E2F5: variants seen among roughly 807,000 people sequenced by gnomAD.
The protein encoded by E2F5 is transcription factor E2F5.
E2F5 carries 23 observed loss-of-function variants against 39.1 expected under a neutral mutation model. The ratio of observed to expected loss-of-function variants is 0.59; its 90% confidence interval spans 0.42 to 0.83. E2F5 has a LOEUF of 0.83. Ranked by LOEUF, E2F5 falls within the 40% of genes least tolerant of loss-of-function variation. E2F5 has a pLI of 0.00. For synonymous variants in E2F5, 145 were observed against 157.8 expected (o/e 0.92, Z 0.61); for missense variants, 365 against 406.7 (o/e 0.90, Z 0.88).
intron 6 of E2F5, among the ~76,000 whole-genome samples, chr8:85,210,524 T>C (rs1006021198): frequency 2.0e-5 from 3 of 151,770 alleles, no homozygotes; most frequent in African/African-American, 7.3e-5. Flanking sequence ...TACTAAAAAA[T>C]ACAAAAATTA....
intron 1 of E2F5, among the ~76,000 whole-genome samples, chr8:85,181,269 C>G (rs1325636266): frequency 6.6e-6 from 1 of 152,100 alleles, no homozygotes; most frequent in Non-Finnish European, 1.5e-5. Flanking sequence ...CACATAGATG[C>G]TATTTCTTTT....
intron 1 of E2F5, 122 bp downstream of exon 1, chr8:85,177,776 G>C (rs1812117565): frequency 8.7e-7 from 1 of 1,144,866 alleles, no homozygotes; most frequent in African/African-American, 1.6e-5. Flanking sequence ...ACCCGGGACC[G>C]GGCAATCCGA....
chr8:85,198,843 G>A (rs1339086930), intron 1 of E2F5, among the ~76,000 whole-genome samples: 1 of 152,130 alleles, frequency 6.6e-6, no homozygotes, highest in Admixed American at 6.6e-5. Flanking sequence ...TCTCCCCTAA[G>A]CACACACTCT....
At chr8:85,199,545 T>C (rs1812647800) in intron 1 of E2F5, among the ~76,000 whole-genome samples, 1 of 21,288 alleles carries the variant, frequency 4.7e-5, no homozygotes, top group South Asian at 1.2e-3. Flanking sequence ...GTGGTGATAG[T>C]GGTGGTGGTG....
intron 1 of E2F5, among the ~76,000 whole-genome samples, chr8:85,189,716 A>G (rs1395107141): frequency 6.6e-6 from 1 of 152,170 alleles, no homozygotes; most frequent in Non-Finnish European, 1.5e-5. Flanking sequence ...CATAATTTTG[A>G]TCTGTCACAT....
In E2F5 at chr8:85,177,188, T is replaced by C. The variant is rs1812100222; in HGVS notation, c.-233T>C. ...GTTTCCACCCCTCCCCCCTCGGTCGTGGGCCTCATTCACGCTTCCCCGGGC... is the reference window on the plus strand; with the variant it reads ...GTTTCCACCCCTCCCCCCTCGGTCGCGGGCCTCATTCACGCTTCCCCGGGC... On this transcript the variant is annotated 5_prime_UTR_variant, in exon 1 of 8. Coordinates refer to ENST00000416274, the MANE Select transcript of E2F5 (RefSeq NM_001951.4). The C allele has an allele frequency of 5.8e-6, 1 of 172,352 alleles. No individual in the cohort carries two copies. 10.7% of individuals were successfully genotyped at this position (172,352 alleles called of 1,614,324 possible).
intron 1 of E2F5, among the ~76,000 whole-genome samples, chr8:85,189,283 C>T (rs1468195849): frequency 6.6e-6 from 1 of 152,180 alleles, no homozygotes; most frequent in Non-Finnish European, 1.5e-5. Context: ...CAACCACTCA[C>T]AGAGAACCAC....
chr8:85,207,036 TC>T (rs1812814538), intron 4 of E2F5, among the ~76,000 whole-genome samples: 1 of 152,164 alleles, frequency 6.6e-6, no homozygotes, highest in Non-Finnish European at 1.5e-5. Flanking sequence ...AATAATAAAA[TC>T]ATTTAAGCTC....
intron 1 of E2F5, among the ~76,000 whole-genome samples, chr8:85,197,233 A>G (rs376853535): frequency 5.3e-5 from 8 of 152,356 alleles, no homozygotes; most frequent in East Asian, 1.9e-4. Flanking sequence ...GAAGAACCTG[A>G]AAGACAGGAT....
chr8:85,212,068 G>C (rs1420221022), intron 6 of E2F5, 89 bp from the exon 7 acceptor site: 4 of 1,010,286 alleles, frequency 4.0e-6, no homozygotes, highest in Non-Finnish European at 4.6e-6. Flanking sequence ...GTGCATGTCA[G>C]TCAAGCTGCT....
Position 85,177,643 on chromosome 8 carries a change from G to T in E2F5, c.223G>T (p.Asp75Tyr). The change falls in exon 1 of 8, where the codon GAT (aspartate) becomes TAT (tyrosine). Residue 75 changes from aspartate to tyrosine, a missense_variant. Coordinates refer to ENST00000416274, the MANE Select transcript of E2F5 (RefSeq NM_001951.4). ...LLQEAKDGVLDLKAAADTLAV... is the reference protein window; with the variant it reads ...LLQEAKDGVLYLKAAADTLAV... ...GCAGGAGGCCAAGGACGGCGTTCTG[G>T]ATCTCAAAGCGGTGAGCTCCGGAGG... 1 of 1,293,108 alleles carries T rather than the reference G, an allele frequency of 7.7e-7. No individual in the cohort carries two copies. The highest frequency in any genetic ancestry group is 9.8e-7 in the Non-Finnish European group (1 of 1,016,536). 80.1% of individuals were successfully genotyped at this position (1,293,108 alleles called of 1,614,324 possible). A position where few individuals can be genotyped will look rare whatever the true frequency, so the allele number is the denominator to read the frequency against.
Position 85,177,607 on chromosome 8 carries a change from G to T in E2F5, c.187G>T (p.Val63Leu). Residue 63 changes from valine to leucine, a missense_variant, in exon 1 of 8, where the codon GTG (valine) becomes TTG (leucine). Coordinates refer to ENST00000416274, the MANE Select transcript of E2F5 (RefSeq NM_001951.4). ...KSLGLLTTKF[V>L]SLLQEAKDGV... is the part of the protein sequence containing the mutation. ...CCTGGGGCTGCTCACTACCAAGTTC[G>T]TGTCGCTGCTGCAGGAGGCCAAGGA... 7.7e-7 allele frequency: 1 copy of T among 1,297,724 alleles called. No individual in the cohort carries two copies. The highest frequency in any genetic ancestry group is 1.5e-5 in the African/African-American group (1 of 66,254). The allele number at this position is 1,297,724 out of a possible 1,614,324, so 80.4% of individuals were successfully genotyped here. A position where few individuals can be genotyped will look rare whatever the true frequency, so the allele number is the denominator to read the frequency against.
intron 1 of E2F5, among the ~76,000 whole-genome samples, chr8:85,199,840 AT>A (rs1463359932): frequency 6.6e-6 from 1 of 152,246 alleles, no homozygotes; most frequent in East Asian, 1.9e-4. Context: ...ATGTTATACC[AT>A]TTTATGAAAA....
rs937611002 is a variant in E2F5, at chr8:85,210,342, A to G, written c.883+933A>G. Among the ~76,000 whole-genome samples the G allele has an allele frequency of 5.3e-5, 8 of 152,246 alleles. 1 individual carries two copies. The South Asian group carries it at 1.7e-3, about 32-fold the overall frequency. On this transcript the variant is annotated intron_variant, in intron 6 of 7. Transcript: ENST00000416274. Reference sequence around the variant, plus strand: ...CCACATCTATTCCTTTCTTTCCCCTATAAATATGTCTATACTACAGACCAT... The same window carrying G: ...CCACATCTATTCCTTTCTTTCCCCTGTAAATATGTCTATACTACAGACCAT...
rs578115613 is a variant in E2F5 at position 85,209,331 on chromosome 8, A to C, written c.805A>C (p.Thr269Pro). The change falls in exon 6 of 8, where the codon ACT (threonine) becomes CCT (proline). Residue 269 changes from threonine to proline, a missense_variant. Transcript: ENST00000416274. ...PVTPQKSSMA[T>P]QNLPEQHVSE... ...GACTCCACAGAAATCCAGCATGGCA[A>C]CTCAAAATCTGCCTGAGCAACATGT... The C allele has an allele frequency of 1.9e-5, 31 of 1,613,994 alleles. No homozygotes were observed. The South Asian group carries it at 3.1e-4, about 16-fold the overall frequency.
chr8:85,200,682 C>T (rs1409125233), intron 1 of E2F5, among the ~76,000 whole-genome samples: 1 of 152,198 alleles, frequency 6.6e-6, no homozygotes, highest in East Asian at 1.9e-4. Flanking sequence ...GAAACCTCAG[C>T]TTCAGATTTG....
chr8:85,200,242 GTC>G (rs1812666849), intron 1 of E2F5: 1 of 889,558 alleles, frequency 1.1e-6, no homozygotes, highest in Admixed American at 6.3e-5. Flanking sequence ...GGGAGACTCT[GTC>G]TCAAAAAAAA....
chr8:85,200,177 G>A (rs4150926), intron 1 of E2F5: 26,512 of 278,294 alleles, frequency 0.095, 1,385 homozygotes, highest in South Asian at 0.12. Context: ...AACCCAGGTG[G>A]TGGAGGTTGC....
intron 1 of E2F5, among the ~76,000 whole-genome samples, chr8:85,191,157 G>A (rs768803074): frequency 1.3e-5 from 2 of 152,142 alleles, no homozygotes; most frequent in East Asian, 1.9e-4. Context: ...AGTTTTTGAC[G>A]CCATAGAAGA....
Sources: gnomAD v4.1 joint callset for allele counts (sites outside exome capture counted in the v4.1 genomes callset) on GRCh38, gnomAD v4.1.1 for gene constraint, MANE v1.5 for transcripts, NCBI Gene and HGNC (gene_info 2026-07-23, HGNC 2026-07-21) for gene names.